Variants in KIAA1958 observed in about 807,000 individuals in gnomAD.
The protein encoded by KIAA1958 is uncharacterized protein KIAA1958.
A neutral mutation model predicts 47.2 loss-of-function variants in KIAA1958; 14 were observed. The observed-to-expected ratio is 0.30, with a 90% CI of 0.20 to 0.46. The LOEUF (loss-of-function observed/expected upper bound fraction) is 0.46. KIAA1958 is among the 20% of genes least tolerant of loss of function. KIAA1958 has a pLI of 1.00. For synonymous variants in KIAA1958, 354 were observed against 353.3 expected (o/e 1.00, Z -0.02); for missense variants, 803 against 909.2 (o/e 0.88, Z 1.50).
chr9:112,657,914 T>A (rs932171742), intron 3 of KIAA1958, among the ~76,000 whole-genome samples: 6 of 151,728 alleles, frequency 4.0e-5, no homozygotes, highest in Non-Finnish European at 7.4e-5. Flanking sequence ...TGGAGTGCAG[T>A]GGCGCAATCT....
intron 2 of KIAA1958, among the ~76,000 whole-genome samples, chr9:112,641,291 C>A (rs1836884412): frequency 6.8e-6 from 1 of 147,994 alleles, no homozygotes; most frequent in African/African-American, 2.5e-5. Context: ...TCTTCATTTA[C>A]AGTCTTTTTC....
chr9:112,496,741 G>A (rs950897657), intron 1 of KIAA1958, among the ~76,000 whole-genome samples: 5 of 151,984 alleles, frequency 3.3e-5, no homozygotes, highest in African/African-American at 1.2e-4. Context: ...GTGGTCTCGC[G>A]TTCTCCCCCA....
chr9:112,565,263 A>T (rs1344795774), intron 1 of KIAA1958, among the ~76,000 whole-genome samples: 1 of 152,158 alleles, frequency 6.6e-6, no homozygotes, highest in Admixed American at 6.5e-5. Flanking sequence ...TTGAATTTCA[A>T]GGTTTTTTGT....
chr9:112,585,659 AG>A (rs1275842640), intron 2 of KIAA1958, among the ~76,000 whole-genome samples: 2 of 152,182 alleles, frequency 1.3e-5, no homozygotes, highest in Non-Finnish European at 2.9e-5. Context: ...TGCTCACATG[AG>A]ATAACAGTGA....
chr9:112,617,717 G>C (rs1810794365), intron 2 of KIAA1958, among the ~76,000 whole-genome samples: 1 of 152,124 alleles, frequency 6.6e-6, no homozygotes, highest in Non-Finnish European at 1.5e-5. Context: ...ATTATAATGT[G>C]ACAGGTATGT....
Position 112,605,813 on chromosome 9 carries a change from A to G in KIAA1958, c.1171+30562A>G, listed in dbSNP as rs1836223789. Reference sequence around the variant, plus strand: ...TTTGCGTGACTGGCTTTTCATTTTTAGGTCTTAACTAAAAGATATTTTTAG... The same window carrying G: ...TTTGCGTGACTGGCTTTTCATTTTTGGGTCTTAACTAAAAGATATTTTTAG... On this transcript the variant is annotated intron_variant, in intron 2 of 3. Coordinates refer to ENST00000337530, the MANE Select transcript of KIAA1958 (RefSeq NM_133465.4). 2.0e-5 allele frequency among the ~76,000 whole-genome samples: 3 copies of G among 152,246 alleles called. No individual in the cohort carries two copies. In the South Asian group the frequency reaches 6.2e-4, roughly 32 times the overall value.
intron 1 of KIAA1958, among the ~76,000 whole-genome samples, chr9:112,531,436 T>G (rs1226705405): frequency 6.6e-6 from 1 of 152,144 alleles, no homozygotes; most frequent in Non-Finnish European, 1.5e-5. Flanking sequence ...GTGATCCTAA[T>G]AAGTACGAAT....
At chr9:112,497,521 A>G (rs1834065909) in intron 1 of KIAA1958, among the ~76,000 whole-genome samples, 1 of 152,214 alleles carries the variant, frequency 6.6e-6, no homozygotes, top group Admixed American at 6.5e-5. Context: ...TTGTCAGAAA[A>G]TAAACTTCTG....
intron 1 of KIAA1958, among the ~76,000 whole-genome samples, chr9:112,537,869 T>G (rs1834881841): frequency 6.6e-6 from 1 of 152,126 alleles, no homozygotes; most frequent in Non-Finnish European, 1.5e-5. Flanking sequence ...TTAGGAAAAT[T>G]TTCACATTAA....
At chr9:112,562,062 C>A (rs1466494698) in intron 1 of KIAA1958, among the ~76,000 whole-genome samples, 2 of 152,034 alleles carry the variant, frequency 1.3e-5, no homozygotes, top group African/African-American at 4.8e-5. Flanking sequence ...AAATGAGAAC[C>A]TCATTTGTGC....
intron 1 of KIAA1958, among the ~76,000 whole-genome samples, chr9:112,520,314 C>G (rs1834516446): frequency 6.6e-6 from 1 of 152,044 alleles, no homozygotes; most frequent in African/African-American, 2.4e-5. Context: ...GGTATAGTCT[C>G]AAATAACTAG....
chr9:112,600,628 G>C (rs564186026), intron 2 of KIAA1958, among the ~76,000 whole-genome samples: 32 of 152,248 alleles, frequency 2.1e-4, no homozygotes, highest in Non-Finnish European at 4.3e-4. Context: ...ATTAACTCTG[G>C]TTGTTCACAT....
At chr9:112,561,215 C>G (rs190950353) in intron 1 of KIAA1958, among the ~76,000 whole-genome samples, 1 of 151,774 alleles carries the variant, frequency 6.6e-6, no homozygotes, top group Non-Finnish European at 1.5e-5. Flanking sequence ...CCACCACACC[C>G]GGCTAATTTT....
Position 112,665,158 on chromosome 9 carries a change from G to C in KIAA1958, c.*5089G>C, listed in dbSNP as rs1837337132. 1 of 152,090 alleles carries C rather than the reference G, an allele frequency of 6.6e-6. No homozygotes were observed. The highest frequency in any genetic ancestry group is 6.6e-5 in the Admixed American group (1 of 15,256). 9.4% of individuals were successfully genotyped at this position (152,090 alleles called of 1,614,324 possible). ...GTTCCATTACTATTAATAGCAATTA[G>C]ATAACTCTCCCTCCCCCCATTGAGG... is the stretch of plus-strand genomic sequence containing the variant. On this transcript the variant is annotated 3_prime_UTR_variant, in exon 4 of 4. Transcript: ENST00000337530.
In KIAA1958 at chr9:112,659,717, G is replaced by A; in HGVS notation, c.1799G>A (p.Ser600Asn). 1 of 1,614,204 alleles carries A rather than the reference G, an allele frequency of 6.2e-7. No individual in the cohort carries two copies. The highest frequency in any genetic ancestry group is 1.1e-5 in the South Asian group (1 of 91,082). ...CAGCCCTACTTTGCCCGGACGGACA[G>A]CGTCAAGCGGGAGAGTCGGAGCGGC... ...QNQPYFARTD[S>N]VKRESRSGST... The change falls in exon 4 of 4, where the codon AGC becomes AAC. Residue 600 changes from serine (S) to asparagine (N), a missense_variant. Ser to Asn is a conservative substitution (Grantham distance 46). Coordinates refer to ENST00000337530, the MANE Select transcript of KIAA1958 (RefSeq NM_133465.4).
intron 2 of KIAA1958, among the ~76,000 whole-genome samples, chr9:112,642,788 C>A (rs1836914539): frequency 6.6e-6 from 1 of 152,196 alleles, no homozygotes; most frequent in Admixed American, 6.5e-5. Context: ...ACTCCTACCT[C>A]CAAAATTTTG....
At chr9:112,491,278 A>T (rs1228455729) in intron 1 of KIAA1958, among the ~76,000 whole-genome samples, 1 of 152,216 alleles carries the variant, frequency 6.6e-6, no homozygotes, top group Non-Finnish European at 1.5e-5. Flanking sequence ...AACTTTAAAA[A>T]AGTTTAAGAA....
At chr9:112,557,042 T>A (rs1234660619) in intron 1 of KIAA1958, among the ~76,000 whole-genome samples, 1 of 152,080 alleles carries the variant, frequency 6.6e-6, no homozygotes, top group African/African-American at 2.4e-5. Flanking sequence ...CACTGCAGCC[T>A]CAACCTCCCA....
chr9:112,663,667 G>A lies in KIAA1958; in HGVS notation c.*3598G>A, dbSNP rs1276804089. On this transcript the variant is annotated 3_prime_UTR_variant, in exon 4 of 4. Coordinates refer to ENST00000337530, the MANE Select transcript of KIAA1958 (RefSeq NM_133465.4). Reference sequence around the variant, plus strand: ...TGAGAAGGTTTTTCCATTGTTTAGTGTGTTTGCAAAAAGGAATTTTATGGA... The same window carrying A: ...TGAGAAGGTTTTTCCATTGTTTAGTATGTTTGCAAAAAGGAATTTTATGGA... The A allele has an allele frequency of 1.3e-5, 2 of 152,174 alleles. No homozygotes were observed. Among genetic ancestry groups the A allele is most frequent in the Non-Finnish European group, 2.9e-5 (2 of 68,032 alleles). 9.4% of individuals were successfully genotyped at this position (152,174 alleles called of 1,614,324 possible).
Sources: gnomAD v4.1 joint callset for allele counts (sites outside exome capture counted in the v4.1 genomes callset) on GRCh38, gnomAD v4.1.1 for gene constraint, MANE v1.5 for transcripts, NCBI Gene and HGNC (gene_info 2026-07-23, HGNC 2026-07-21) for gene names.